Variants in RAB3C observed in about 807,000 individuals in gnomAD.
The protein encoded by RAB3C is RAB3C, member RAS oncogene family.
A neutral mutation model predicts 26.4 loss-of-function variants in RAB3C; 17 were observed. That is an observed-to-expected ratio of 0.64 (90% CI 0.44 to 0.97). The LOEUF (loss-of-function observed/expected upper bound fraction) is 0.97, where lower values mean the gene tolerates loss of function less well. Among genes scored for constraint, RAB3C ranks in the 50% least tolerant of loss-of-function variants. The pLI, the probability that RAB3C is intolerant of heterozygous loss-of-function variation, is 0.00. For synonymous variants in RAB3C, 91 were observed against 95.9 expected, an observed-to-expected ratio of 0.95 and a Z score of 0.30; for missense variants, 242 against 281.9, an observed-to-expected ratio of 0.86 and a Z score of 1.01.
chr5:58,693,345 T>TATATATATATATATATATATATATACAC (rs1561291369), intron 2 of RAB3C, among the ~76,000 whole-genome samples: 2 of 140,174 alleles, frequency 1.4e-5, no homozygotes, highest in African/African-American at 5.7e-5. Context: ...TGTATATATA[T>TATATATATATATATATATATATATACAC]ATATATATAT....
chr5:58,653,111 C>G (rs1747693382), intron 2 of RAB3C, among the ~76,000 whole-genome samples: 1 of 152,138 alleles, frequency 6.6e-6, no homozygotes, highest in Non-Finnish European at 1.5e-5. Flanking sequence ...TCTCCTAATG[C>G]TATCCCTCCC....
chr5:58,724,672 G>A (rs1266703557), intron 2 of RAB3C, among the ~76,000 whole-genome samples: 3 of 151,068 alleles, frequency 2.0e-5, no homozygotes, highest in Non-Finnish European at 3.0e-5. Flanking sequence ...TACTTTGAGC[G>A]GGTTCTTTAC....
At chr5:58,583,928 A>T (rs1745959998) in intron 1 of RAB3C, among the ~76,000 whole-genome samples, 7 of 152,196 alleles carry the variant, frequency 4.6e-5, no homozygotes. Flanking sequence ...TGAGAAATGC[A>T]AAGGACTCTG....
chr5:58,633,360 C>A (rs1172575489), intron 2 of RAB3C, among the ~76,000 whole-genome samples: 1 of 152,116 alleles, frequency 6.6e-6, no homozygotes, highest in Non-Finnish European at 1.5e-5. Flanking sequence ...CCCATAAAGT[C>A]TCTTAAAACT....
chr5:58,771,213 A>G (rs1742024271), intron 3 of RAB3C, among the ~76,000 whole-genome samples: 1 of 152,162 alleles, frequency 6.6e-6, no homozygotes, highest in South Asian at 2.1e-4. Flanking sequence ...TTGTTGGAGA[A>G]GGGACAATGC....
intron 3 of RAB3C, among the ~76,000 whole-genome samples, chr5:58,793,291 G>T (rs1742571352): frequency 6.6e-6 from 1 of 152,158 alleles, no homozygotes; most frequent in African/African-American, 2.4e-5. Flanking sequence ...GGGCGCGGTG[G>T]CTCGTGCCTG....
chr5:58,660,033 G>GGGATACCACCACACACATATT (rs1561281607), intron 2 of RAB3C, among the ~76,000 whole-genome samples: 2 of 149,310 alleles, frequency 1.3e-5, no homozygotes, highest in African/African-American at 5.2e-5. Flanking sequence ...TTGAATTCTT[G>GGGATACCACCACACACATATT]AACTCAAGCA....
chr5:58,743,456 T>C (rs988887451), intron 3 of RAB3C, among the ~76,000 whole-genome samples: 2 of 152,180 alleles, frequency 1.3e-5, no homozygotes, highest in Middle Eastern at 3.4e-3. Context: ...GCAGGTTTGT[T>C]ACATAGGTAT....
chr5:58,629,705 A>G (rs970494085), intron 2 of RAB3C, among the ~76,000 whole-genome samples: 2 of 152,218 alleles, frequency 1.3e-5, no homozygotes, highest in African/African-American at 4.8e-5. Context: ...AACTGTAGGC[A>G]TGCTAACAAG....
chr5:58,837,126 C>T (rs1285414640), intron 4 of RAB3C, among the ~76,000 whole-genome samples: 1 of 152,152 alleles, frequency 6.6e-6, no homozygotes, highest in East Asian at 1.9e-4. Flanking sequence ...TCACATTTCT[C>T]TGATGATTGG....
intron 3 of RAB3C, among the ~76,000 whole-genome samples, chr5:58,748,785 C>A (rs1438316045): frequency 6.6e-6 from 1 of 152,166 alleles, no homozygotes; most frequent in African/African-American, 2.4e-5. Context: ...AACATAGTTA[C>A]TGGGAAGTGG....
At chr5:58,755,789 T>C (rs771530975) in intron 3 of RAB3C, among the ~76,000 whole-genome samples, 1 of 152,248 alleles carries the variant, frequency 6.6e-6, no homozygotes, top group Non-Finnish European at 1.5e-5. Flanking sequence ...GGCAATAGTT[T>C]GCAAACTTTT....
rs773076169 is a variant in RAB3C, at chr5:58,855,471, T to A, written c.*4120T>A. 3 of 152,228 alleles carry A rather than the reference T, an allele frequency of 2.0e-5. No individual in the cohort carries two copies. Among genetic ancestry groups the A allele is most frequent in the Non-Finnish European group, 4.4e-5 (3 of 68,044 alleles). 9.4% of individuals were successfully genotyped at this position (152,228 alleles called of 1,614,324 possible). On this transcript the variant is annotated 3_prime_UTR_variant, in exon 5 of 5. Coordinates refer to ENST00000282878, the MANE Select transcript of RAB3C (RefSeq NM_138453.4). The stretch of plus-strand genomic sequence containing the variant: ...CCGGAACTCTGTTCCTTTGCGTGTA[T>A]AGTCACTTAGTGTGCTGTCCGGGTG...
At chr5:58,738,675 A>G (rs958287822) in intron 3 of RAB3C, among the ~76,000 whole-genome samples, 1 of 152,206 alleles carries the variant, frequency 6.6e-6, no homozygotes, top group Non-Finnish European at 1.5e-5. Flanking sequence ...AAGTCAGGCT[A>G]TATAGGGAAT....
chr5:58,695,285 C>G (rs188581000), intron 2 of RAB3C, among the ~76,000 whole-genome samples: 10 of 152,214 alleles, frequency 6.6e-5, no homozygotes, highest in Admixed American at 3.3e-4. Context: ...TGGGCTATAT[C>G]TCTGTTTTGG....
intron 3 of RAB3C, among the ~76,000 whole-genome samples, chr5:58,778,490 G>T (rs1742199180): frequency 6.6e-6 from 1 of 152,132 alleles, no homozygotes; most frequent in African/African-American, 2.4e-5. Context: ...GCAGGGAAAA[G>T]CTGTGAATCT....
At chr5:58,652,878 A>AAACTTTAGAAAAATTCGAT (rs1348726543) in intron 2 of RAB3C, among the ~76,000 whole-genome samples, 1 of 152,162 alleles carries the variant, frequency 6.6e-6, no homozygotes, top group Non-Finnish European at 1.5e-5. Flanking sequence ...TTTTCCAGAT[A>AAACTTTAGAAAAATTCGAT]AACTTTAGAA....
At position 58,859,178 on chromosome 5, in the gene RAB3C, T is replaced by C. The variant is rs1414562243; in HGVS notation, c.*7827T>C. Reference sequence around the variant, plus strand: ...ATAGCAAATATTGTGACTCTTCATGTGTCCACAGGAGCTCTTGTGTGGGTT... The same window carrying C: ...ATAGCAAATATTGTGACTCTTCATGCGTCCACAGGAGCTCTTGTGTGGGTT... On this transcript the variant is annotated 3_prime_UTR_variant, in exon 5 of 5. Coordinates refer to ENST00000282878, the MANE Select transcript of RAB3C (RefSeq NM_138453.4). 2 of 152,236 alleles carry C rather than the reference T, an allele frequency of 1.3e-5. No individual in the cohort carries two copies. The highest frequency in any genetic ancestry group is 4.8e-5 in the African/African-American group (2 of 41,468). The allele number at this position is 152,236 out of a possible 1,614,324, so 9.4% of individuals were successfully genotyped here.
In RAB3C at chr5:58,591,084, A is replaced by G. The variant is rs192365159; in HGVS notation, c.24+7852A>G. Among the ~76,000 whole-genome samples, 180 of 152,288 alleles carry G rather than the reference A, an allele frequency of 1.2e-3. 1 individual carries two copies. Among genetic ancestry groups the G allele is most frequent in the African/African-American group, 4.1e-3 (169 of 41,564 alleles). ...AGATATTTTATTGATACTGATGACT[A>G]GTTAAATTCTATTGCTACTATGGAA... On this transcript the variant is annotated intron_variant, in intron 1 of 4. Transcript: ENST00000282878.
Sources: allele counts gnomAD v4.1 joint callset (sites outside exome capture counted in the v4.1 genomes callset), GRCh38; gene constraint gnomAD v4.1.1; transcripts MANE v1.5; gene names NCBI Gene and HGNC (gene_info 2026-07-23, HGNC 2026-07-21).